CHD9: variants seen among roughly 807,000 people sequenced by gnomAD.
CHD9 encodes the protein ATP-dependent chromatin remodeler CHD9.
A neutral mutation model predicts 316.1 loss-of-function variants in CHD9; 77 were observed. That is an observed-to-expected ratio of 0.24 (90% CI 0.20 to 0.29). The LOEUF is 0.29. Among genes scored for constraint, CHD9 ranks in the 10% least tolerant of loss-of-function variants. The pLI, the probability that CHD9 is intolerant of heterozygous loss-of-function variation, is 1.00. For missense variants in CHD9, 2,763 were observed against 3,438.1 expected, an observed-to-expected ratio of 0.80 and a Z score of 4.91; for synonymous variants, 1,129 against 1,158.3, an observed-to-expected ratio of 0.97 and a Z score of 0.51.
At chr16:53,293,741 A>G (rs981454861) in intron 29 of CHD9, among the ~76,000 whole-genome samples, 1 of 152,208 alleles carries the variant, frequency 6.6e-6, no homozygotes, top group Non-Finnish European at 1.5e-5. Flanking sequence ...ACTTGAGGCC[A>G]GGAGTTCGAG....
chr16:53,317,420 A>G (rs1454112739), intron 36 of CHD9, among the ~76,000 whole-genome samples: 1 of 152,196 alleles, frequency 6.6e-6, no homozygotes, highest in African/African-American at 2.4e-5. Flanking sequence ...TTTTGTTAAT[A>G]GTTGTATAGA....
rs1316612547 is a variant in CHD9, at chr16:53,212,354, G to A, written c.1784+2541G>A. On this transcript the variant is annotated intron_variant, in intron 3 of 38. Coordinates refer to ENST00000447540, the MANE Select transcript of CHD9 (RefSeq NM_001308319.2). ...TGGGAGGCAGAGGTTGCAGTGAGCC[G>A]AGATTGCACCACTGCACTCCAGCCT... 3.3e-5 allele frequency among the ~76,000 whole-genome samples: 5 copies of A among 151,468 alleles called. No individual in the cohort carries two copies. In the East Asian group the frequency reaches 5.8e-4, roughly 18 times the overall value.
At chr16:53,107,489 T>TAAAATAAATA (rs377019215) in intron 1 of CHD9, among the ~76,000 whole-genome samples, 138 of 123,130 alleles carry the variant, frequency 1.1e-3, no homozygotes, top group South Asian at 3.7e-3. Flanking sequence ...TAAAATAAAA[T>TAAAATAAATA]AAATAAAATA....
chr16:53,129,483 CTAAA>C (rs753186117), intron 1 of CHD9, among the ~76,000 whole-genome samples: 27 of 152,214 alleles, frequency 1.8e-4, no homozygotes, highest in South Asian at 4.1e-4. Flanking sequence ...AGTATCTCAG[CTAAA>C]TAGAGTTATG....
chr16:53,086,595 G>T (rs2035478601), intron 1 of CHD9, among the ~76,000 whole-genome samples: 1 of 152,180 alleles, frequency 6.6e-6, no homozygotes. Flanking sequence ...CTCAGTGTTG[G>T]TGTCTTTAAA....
chr16:53,227,386 C>T lies in CHD9; in HGVS notation c.2044-10C>T. 1 of 1,539,882 alleles carries T rather than the reference C, an allele frequency of 6.5e-7. No individual in the cohort carries two copies. Among genetic ancestry groups the T allele is most frequent in the Non-Finnish European group, 8.8e-7 (1 of 1,136,460 alleles). The stretch of plus-strand genomic sequence containing the variant: ...GTGTTCTGTCATTATTTCTTTCCTC[C>T]CTCCCATAGGAGAATCCGAGTGAAG... On this transcript the variant is annotated splice_polypyrimidine_tract_variant and intron_variant, in intron 5 of 38. Transcript: ENST00000447540.
chr16:53,288,052 G>A, intron 27 of CHD9, 38 bp downstream of exon 27: 2 of 1,435,400 alleles, frequency 1.4e-6, no homozygotes, highest in East Asian at 4.5e-5. Context: ...CTCAATTTTA[G>A]GTATTCTTTG....
intron 2 of CHD9, among the ~76,000 whole-genome samples, chr16:53,200,264 G>A (rs1044354543): frequency 6.6e-6 from 1 of 151,772 alleles, no homozygotes; most frequent in Non-Finnish European, 1.5e-5. Context: ...CCAGCTACTT[G>A]GGAGGCTGAG....
intron 1 of CHD9, among the ~76,000 whole-genome samples, chr16:53,136,631 G>A (rs919709492): frequency 5.3e-5 from 8 of 151,816 alleles, no homozygotes; most frequent in African/African-American, 1.9e-4. Flanking sequence ...AGCAACGGAG[G>A]TACAGAGAAA....
intron 2 of CHD9, among the ~76,000 whole-genome samples, chr16:53,204,059 ACACACACAC>A (rs2045692474): frequency 6.9e-5 from 3 of 43,300 alleles, no homozygotes; most frequent in South Asian, 1.1e-3. Flanking sequence ...ATATATATAT[ACACACACAC>A]ACACACACAC....
intron 1 of CHD9, among the ~76,000 whole-genome samples, chr16:53,065,020 A>C (rs2152503825): frequency 6.6e-6 from 1 of 152,252 alleles, no homozygotes; most frequent in Admixed American, 6.5e-5. Context: ...GGAGTGAGAA[A>C]GAAATCACAA....
chr16:53,070,391 T>A (rs2033903186), intron 1 of CHD9, among the ~76,000 whole-genome samples: 1 of 152,222 alleles, frequency 6.6e-6, no homozygotes, highest in Admixed American at 6.5e-5. Context: ...ATATTTTAAG[T>A]TTTTGATCCA....
At chr16:53,290,586 C>T (rs980226332) in intron 27 of CHD9, among the ~76,000 whole-genome samples, 1 of 151,772 alleles carries the variant, frequency 6.6e-6, no homozygotes, top group Non-Finnish European at 1.5e-5. Context: ...CCCAGGAGTT[C>T]AAGGCCAGCC....
At chr16:53,104,533 A>G (rs1245339107) in intron 1 of CHD9, among the ~76,000 whole-genome samples, 2 of 152,206 alleles carry the variant, frequency 1.3e-5, no homozygotes, top group Non-Finnish European at 2.9e-5. Context: ...ACAATGGGCT[A>G]GGTGCAGTGG....
At chr16:53,104,038 A>T (rs1453955530) in intron 1 of CHD9, among the ~76,000 whole-genome samples, 2 of 152,184 alleles carry the variant, frequency 1.3e-5, no homozygotes, top group East Asian at 3.8e-4. Flanking sequence ...CTGGGCCTGC[A>T]CAGGAAATAC....
At chr16:53,069,616 A>ATACCACATCT (rs1224379622) in intron 1 of CHD9, among the ~76,000 whole-genome samples, 5 of 152,210 alleles carry the variant, frequency 3.3e-5, no homozygotes, top group African/African-American at 9.6e-5. Flanking sequence ...TATCTGCCAC[A>ATACCACATCT]GTGTGTTTAT....
intron 28 of CHD9, 80 bp from the exon 29 acceptor site, chr16:53,292,753 T>C: frequency 8.6e-7 from 1 of 1,167,422 alleles, no homozygotes; most frequent in Non-Finnish European, 1.2e-6. Context: ...AATTAAAAAT[T>C]TTTAAAGTAA....
rs1435696247 is a variant in CHD9 at position 53,245,105 on chromosome 16, G to T, written c.3055-231G>T. ...TAATCATTGTAATTATGTTGTATGT[G>T]TAATGCTGAACTATGATGGCATCAC... is the stretch of plus-strand genomic sequence containing the variant. On this transcript the variant is annotated intron_variant, in intron 13 of 38. Transcript: ENST00000447540. The surrounding 1 kb of genome is among the most constrained non-coding windows in gnomAD (Gnocchi z 4.1). Among the ~76,000 whole-genome samples, 2 of 151,990 alleles carry T rather than the reference G, an allele frequency of 1.3e-5. No homozygotes were observed. The highest frequency in any genetic ancestry group is 4.8e-5 in the African/African-American group (2 of 41,386).
At chr16:53,079,040 C>G (rs1177120024) in intron 1 of CHD9, among the ~76,000 whole-genome samples, 1 of 152,090 alleles carries the variant, frequency 6.6e-6, no homozygotes, top group African/African-American at 2.4e-5. Context: ...AAGCATAAAT[C>G]CTAGGTTGGT....
Sources: allele counts gnomAD v4.1 joint callset (sites outside exome capture counted in the v4.1 genomes callset), GRCh38; gene constraint gnomAD v4.1.1; non-coding constraint Gnocchi (gnomAD v3.1); transcripts MANE v1.5; gene names NCBI Gene and HGNC (gene_info 2026-07-23, HGNC 2026-07-21).